TRIM25: variants seen among roughly 807,000 people sequenced by gnomAD.
TRIM25 encodes the protein tripartite motif containing 25, also known as E3 ubiquitin/ISG15 ligase TRIM25.
In TRIM25, 45 loss-of-function variants were observed where a neutral mutation model predicts 65.2. The ratio of observed to expected loss-of-function variants is 0.69; its 90% CI spans 0.54 to 0.89. The LOEUF (loss-of-function observed/expected upper bound fraction) is 0.89. Among genes scored for constraint, TRIM25 ranks in the 40% least tolerant of loss-of-function variants. The pLI, the probability that TRIM25 is intolerant of heterozygous loss-of-function variation, is 0.00. For synonymous variants in TRIM25, 321 were observed against 340.4 expected (o/e 0.94, Z 0.63); for missense variants, 714 against 803.7 (o/e 0.89, Z 1.35).
rs1909160865 is a variant in TRIM25 at position 56,891,126 on chromosome 17, C to G, written c.*574G>C. 5.5e-6 allele frequency: 2 copies of G among 360,408 alleles called. No individual in the cohort carries two copies. The highest frequency in any genetic ancestry group is 4.3e-5 in the African/African-American group (2 of 46,790). 22.3% of individuals were successfully genotyped at this position (360,408 alleles called of 1,614,324 possible). ...TCCAGTGGAGGAAGAGGGTATGCCTCTTTAGGAAACTGTTCTGGGTAGAGA... is the reference window on the plus strand; with the variant it reads ...TCCAGTGGAGGAAGAGGGTATGCCTGTTTAGGAAACTGTTCTGGGTAGAGA... On this transcript the variant is annotated 3_prime_UTR_variant, in exon 9 of 9. Coordinates refer to ENST00000316881, the MANE Select transcript of TRIM25 (RefSeq NM_005082.5).
Position 56,891,269 on chromosome 17 carries a change from T to C in TRIM25, c.*431A>G, listed in dbSNP as rs1295758028. On this transcript the variant is annotated 3_prime_UTR_variant, in exon 9 of 9. Coordinates refer to ENST00000316881, the MANE Select transcript of TRIM25 (RefSeq NM_005082.5). ...GACTTTGGAACTTTAAAAACATCTA[T>C]AGTAAGAATTCAAAACACCAAGATC... 9.5e-6 allele frequency: 3 copies of C among 315,998 alleles called. No individual in the cohort carries two copies. Among genetic ancestry groups the C allele is most frequent in the East Asian group, 9.5e-5 (1 of 10,562 alleles). The allele number at this position is 315,998 out of a possible 1,614,324, so 19.6% of individuals were successfully genotyped here.
rs112009984 is a variant in TRIM25 at position 56,901,332 on chromosome 17, G to A, written c.1087+87C>T. On this transcript the variant is annotated intron_variant, in intron 4 of 8. Coordinates refer to ENST00000316881, the MANE Select transcript of TRIM25 (RefSeq NM_005082.5). ...CTCAGGCCCCAGTGCTCGGGATCACGCCCCAATCTCCCATCCCAAAACATT... is the reference window on the plus strand; with the variant it reads ...CTCAGGCCCCAGTGCTCGGGATCACACCCCAATCTCCCATCCCAAAACATT... 1,442 of 1,440,306 alleles carry A rather than the reference G, an allele frequency of 1.0e-3. 11 individuals carry two copies. The African/African-American group carries it at 0.018, about 18-fold the overall frequency. 89.2% of individuals were successfully genotyped at this position (1,440,306 alleles called of 1,614,324 possible).
At chr17:56,907,290 T>G (rs1467045846) in intron 2 of TRIM25, among the ~76,000 whole-genome samples, 1 of 152,238 alleles carries the variant, frequency 6.6e-6, no homozygotes, top group African/African-American at 2.4e-5. Flanking sequence ...GTATCTTTGT[T>G]ACAGCAGTAT....
intron 8 of TRIM25, among the ~76,000 whole-genome samples, chr17:56,893,470 A>G (rs1382805500): frequency 6.6e-6 from 1 of 152,202 alleles, no homozygotes. Flanking sequence ...GGGGGCAGGG[A>G]CAGCGGAGGG....
At chr17:56,908,606 C>T (rs750830552) in intron 1 of TRIM25, 43 bp from the exon 2 acceptor site, 1 of 1,574,436 alleles carries the variant, frequency 6.4e-7, no homozygotes, top group East Asian at 2.2e-5. Flanking sequence ...CCTCTTCAGC[C>T]CAGCCCCACC....
intron 8 of TRIM25, among the ~76,000 whole-genome samples, chr17:56,894,245 T>C (rs1909240527): frequency 6.6e-6 from 1 of 151,734 alleles, no homozygotes; most frequent in African/African-American, 2.4e-5. Flanking sequence ...TTTGGGGTTT[T>C]TTGTTTGTTT....
At chr17:56,910,718 A>T (rs561439820) in intron 1 of TRIM25, among the ~76,000 whole-genome samples, 1 of 152,332 alleles carries the variant, frequency 6.6e-6, no homozygotes, top group South Asian at 2.1e-4. Context: ...GGACTTTTTG[A>T]AATCCTGAGG....
Position 56,890,748 on chromosome 17 carries a change from G to T in TRIM25, c.*952C>A, listed in dbSNP as rs914716328. 1 of 456,528 alleles carries T rather than the reference G, an allele frequency of 2.2e-6. No homozygotes were observed. Among genetic ancestry groups the T allele is most frequent in the Non-Finnish European group, 4.4e-6 (1 of 226,920 alleles). 28.3% of individuals were successfully genotyped at this position (456,528 alleles called of 1,614,324 possible). A position where few individuals can be genotyped will look rare whatever the true frequency, so the allele number is the denominator to read the frequency against. On this transcript the variant is annotated 3_prime_UTR_variant, in exon 9 of 9. Transcript: ENST00000316881. Reference sequence around the variant, plus strand: ...AGAGAGGCTATCACCGAGAAGAGTTGTCAGTAAGAAGGCAGGACACTCTAA... The same window carrying T: ...AGAGAGGCTATCACCGAGAAGAGTTTTCAGTAAGAAGGCAGGACACTCTAA...
At position 56,890,700 on chromosome 17, in the gene TRIM25, T is replaced by C. The variant is rs1236696781; in HGVS notation, c.*1000A>G. 6.6e-6 allele frequency: 3 copies of C among 456,158 alleles called. No individual in the cohort carries two copies. Among genetic ancestry groups the C allele is most frequent in the African/African-American group, 2.0e-5 (1 of 49,920 alleles). The allele number at this position is 456,158 out of a possible 1,614,324, so 28.3% of individuals were successfully genotyped here. A position where few individuals can be genotyped will look rare whatever the true frequency, so the allele number is the denominator to read the frequency against. On this transcript the variant is annotated 3_prime_UTR_variant, in exon 9 of 9. Transcript: ENST00000316881. Reference sequence around the variant, plus strand: ...AGCCTCGGTGGTACCTGCACTGTCATTCCATATGTCACAATCCAGGGAAGA... The same window carrying C: ...AGCCTCGGTGGTACCTGCACTGTCACTCCATATGTCACAATCCAGGGAAGA...
intron 8 of TRIM25, among the ~76,000 whole-genome samples, chr17:56,894,916 A>G (rs1225805912): frequency 6.6e-6 from 1 of 152,136 alleles, no homozygotes; most frequent in East Asian, 1.9e-4. Context: ...CGGGACAGGG[A>G]GAAGGATGGA....
chr17:56,902,455 G>A (rs1909432313), intron 3 of TRIM25, among the ~76,000 whole-genome samples: 1 of 152,318 alleles, frequency 6.6e-6, no homozygotes, highest in East Asian at 1.9e-4. Context: ...ATCACCCAAT[G>A]TTACTGTAGA....
chr17:56,891,475 G>C lies in TRIM25; in HGVS notation c.*225C>G, dbSNP rs1909167471. 1 of 585,764 alleles carries C rather than the reference G, an allele frequency of 1.7e-6. No individual in the cohort carries two copies. The highest frequency in any genetic ancestry group is 1.9e-5 in the African/African-American group (1 of 53,506). The allele number at this position is 585,764 out of a possible 1,614,324, so 36.3% of individuals were successfully genotyped here. On this transcript the variant is annotated 3_prime_UTR_variant, in exon 9 of 9. Transcript: ENST00000316881. ...AGAACAATGGGGAGTAGGTCACCCT[G>C]CCCTGATAGGCACCAGGGGGTGGAA...
At chr17:56,911,704 A>G (rs1261548289) in intron 1 of TRIM25, among the ~76,000 whole-genome samples, 1 of 152,000 alleles carries the variant, frequency 6.6e-6, no homozygotes, top group African/African-American at 2.4e-5. Context: ...CCTGAGCAAC[A>G]TAGTGAGATC....
intron 1 of TRIM25, among the ~76,000 whole-genome samples, chr17:56,909,040 C>T (rs1323430703): frequency 2.0e-5 from 3 of 152,088 alleles, no homozygotes. Flanking sequence ...TGGCCAAGCT[C>T]ACACAGGAAC....
chr17:56,901,052 G>A (rs1170009555), intron 4 of TRIM25, among the ~76,000 whole-genome samples: 4 of 152,064 alleles, frequency 2.6e-5, no homozygotes, highest in Non-Finnish European at 2.9e-5. Flanking sequence ...TGAAAAGGGG[G>A]TGTCAAAGAG....
intron 8 of TRIM25, among the ~76,000 whole-genome samples, chr17:56,893,137 CAGG>C (rs778818264): frequency 2.0e-5 from 3 of 151,022 alleles, no homozygotes; most frequent in Non-Finnish European, 2.9e-5. Context: ...ACAGATGCAG[CAGG>C]AGAAGGGAAA....
At chr17:56,897,939 G>A (rs907404042) in intron 5 of TRIM25, among the ~76,000 whole-genome samples, 1 of 152,128 alleles carries the variant, frequency 6.6e-6, no homozygotes, top group African/African-American at 2.4e-5. Context: ...TTCCATTCGG[G>A]GACCGATACC....
At position 56,891,919 on chromosome 17, in the gene TRIM25, G is replaced by C. The variant is rs1375315238; in HGVS notation, c.1674C>G (p.Ile558Met). The stretch of plus-strand genomic sequence containing the variant: ...TCTCCACGTTATTGTGCCAGGCAGA[G>C]ATCTTGGTGTTGAACCACTCCACGC... ...SWCVEWFNTK[I>M]SAWHNNVEKT... Residue 558 changes from isoleucine (I) to methionine (M), a missense_variant, in exon 9 of 9, where the codon ATC (isoleucine) becomes ATG (methionine). Transcript: ENST00000316881. 1.2e-6 allele frequency: 2 copies of C among 1,614,242 alleles called. No individual in the cohort carries two copies. The highest frequency in any genetic ancestry group is 1.1e-5 in the South Asian group (1 of 91,092).
At chr17:56,906,654 C>T (rs190945145) in intron 2 of TRIM25, among the ~76,000 whole-genome samples, 180 of 152,270 alleles carry the variant, frequency 1.2e-3, no homozygotes, top group African/African-American at 4.0e-3. Flanking sequence ...CCACCACGCC[C>T]GGCTAATTTT....
Sources: gnomAD v4.1 joint callset for allele counts (sites outside exome capture counted in the v4.1 genomes callset) on GRCh38, gnomAD v4.1.1 for gene constraint, MANE v1.5 for transcripts, NCBI Gene and HGNC (gene_info 2026-07-23, HGNC 2026-07-21) for gene names.